The following TRDN variants were observed in gnomAD, a reference collection of about 807,000 sequenced individuals.
TRDN encodes triadin in skeletal muscle.
Under a neutral mutation model 149.7 loss-of-function variants are expected in TRDN, and 161 were observed. That is an observed-to-expected ratio of 1.08 (90% CI 0.95 to 1.23). TRDN has a LOEUF of 1.23. Among genes scored for constraint, TRDN ranks in the 50% most tolerant of loss-of-function variants. The pLI, the probability that TRDN is intolerant of heterozygous loss-of-function variation, is 0.00. For missense variants in TRDN, 896 were observed against 823.5 expected (o/e 1.09, Z -1.08); for synonymous variants, 294 against 250.5 (o/e 1.17, Z -1.64).
intron 1 of TRDN, among the ~76,000 whole-genome samples, chr6:123,571,616 G>C (rs1025084853): frequency 6.6e-6 from 1 of 151,918 alleles, no homozygotes; most frequent in African/African-American, 2.4e-5. Context: ...ACATGTTCAT[G>C]AGAGAAAATT....
Position 123,275,177 on chromosome 6 carries a change from C to T in TRDN, c.1568-507G>A, listed in dbSNP as rs190649118. 3.9e-5 allele frequency among the ~76,000 whole-genome samples: 6 copies of T among 152,090 alleles called. No individual in the cohort carries two copies. The East Asian group carries it at 1.2e-3, about 30-fold the overall frequency. On this transcript the variant is annotated intron_variant, in intron 26 of 40. Coordinates refer to ENST00000334268, the MANE Select transcript of TRDN (RefSeq NM_006073.4). ...GTTCTCCCAAACAATCTGTTGAGTCCTAACCCCCAGTACCTAAGAATGTAA... is the reference window on the plus strand; with the variant it reads ...GTTCTCCCAAACAATCTGTTGAGTCTTAACCCCCAGTACCTAAGAATGTAA...
intron 38 of TRDN, among the ~76,000 whole-genome samples, chr6:123,247,131 C>T (rs1347389642): frequency 1.3e-5 from 2 of 152,244 alleles, no homozygotes; most frequent in Admixed American, 6.5e-5. Context: ...TTATGACAAA[C>T]CCACAGTCAA....
chr6:123,285,923 A>T (rs558478888), intron 24 of TRDN, among the ~76,000 whole-genome samples: 1 of 152,284 alleles, frequency 6.6e-6, no homozygotes, highest in South Asian at 2.1e-4. Context: ...ATGTGAAAAA[A>T]TGTTCAACAT....
At chr6:123,537,050 A>G (rs1408111148) in intron 4 of TRDN, among the ~76,000 whole-genome samples, 1 of 152,146 alleles carries the variant, frequency 6.6e-6, no homozygotes, top group Non-Finnish European at 1.5e-5. Context: ...CTTTATTTCA[A>G]AATTTATAGA....
At chr6:123,284,692 G>A (rs921930818) in intron 24 of TRDN, among the ~76,000 whole-genome samples, 1 of 152,074 alleles carries the variant, frequency 6.6e-6, no homozygotes, top group South Asian at 2.1e-4. Context: ...GAGAAATAAA[G>A]GGCATTCAAA....
intron 24 of TRDN, among the ~76,000 whole-genome samples, chr6:123,297,703 T>C (rs1440854872): frequency 2.0e-5 from 3 of 151,978 alleles, no homozygotes; most frequent in Non-Finnish European, 4.4e-5. Context: ...TATACTTCCT[T>C]CAAAGGCCAT....
intron 9 of TRDN, among the ~76,000 whole-genome samples, chr6:123,476,640 C>G (rs2114755697): frequency 6.7e-6 from 1 of 148,214 alleles, no homozygotes; most frequent in South Asian, 2.3e-4. Flanking sequence ...GGAGGCATCA[C>G]ACTACCTGAC....
Position 123,561,864 on chromosome 6 carries a change from C to A in TRDN, c.232+9059G>T, listed in dbSNP as rs149727164. ...CATCGCTCATTATCTTTCCATACCA[C>A]CCCCCAAAAAATTTTCGTCGCCCCA... On this transcript the variant is annotated intron_variant, in intron 2 of 40. Transcript: ENST00000334268. Among the ~76,000 whole-genome samples the A allele has an allele frequency of 1.4e-3, 217 of 152,000 alleles. 1 individual carries two copies. Among genetic ancestry groups the A allele is most frequent in the African/African-American group, 4.8e-3 (198 of 41,444 alleles).
chr6:123,585,757 C>T (rs539748827), intron 1 of TRDN, among the ~76,000 whole-genome samples: 7 of 152,152 alleles, frequency 4.6e-5, no homozygotes, highest in Non-Finnish European at 7.4e-5. Flanking sequence ...TTGTAGCAAG[C>T]TCCTGGGGGA....
chr6:123,471,161 A>G (rs1323913875), intron 9 of TRDN: 1 of 152,236 alleles, frequency 6.6e-6, no homozygotes, highest in Non-Finnish European at 1.5e-5. Context: ...AGTACGTTTT[A>G]AAGTAGACCT....
intron 1 of TRDN, among the ~76,000 whole-genome samples, chr6:123,621,150 C>G (rs777620565): frequency 6.6e-6 from 1 of 152,046 alleles, no homozygotes; most frequent in Non-Finnish European, 1.5e-5. Flanking sequence ...CATTGCTGCC[C>G]ATACAGTCTC....
chr6:123,388,688 T>C lies in TRDN; in HGVS notation c.1106-137A>G, dbSNP rs17737834. On this transcript the variant is annotated intron_variant, in intron 13 of 40. Coordinates refer to ENST00000334268, the MANE Select transcript of TRDN (RefSeq NM_006073.4). ...CTAATCAATTCATCCAAATCTATGATAGGAGTGTAAGCAGAAAATATTACT... is the reference window on the plus strand; with the variant it reads ...CTAATCAATTCATCCAAATCTATGACAGGAGTGTAAGCAGAAAATATTACT... The C allele has an allele frequency of 0.13, 113,797 of 907,300 alleles. 7,939 individuals are homozygous for C. The highest frequency in any genetic ancestry group is 0.21 in the African/African-American group (12,854 of 60,854). The allele number at this position is 907,300 out of a possible 1,614,324, so 56.2% of individuals were successfully genotyped here. A position where few individuals can be genotyped will look rare whatever the true frequency, so the allele number is the denominator to read the frequency against.
At chr6:123,304,976 T>C (rs1012645705) in intron 24 of TRDN, among the ~76,000 whole-genome samples, 1 of 152,212 alleles carries the variant, frequency 6.6e-6, no homozygotes, top group African/African-American at 2.4e-5. Context: ...TTTCTTCTTA[T>C]TTAATTTCTC....
At chr6:123,593,414 T>C (rs543531430) in intron 1 of TRDN, among the ~76,000 whole-genome samples, 1 of 152,300 alleles carries the variant, frequency 6.6e-6, no homozygotes, top group East Asian at 1.9e-4. Flanking sequence ...AAAAAATAAA[T>C]GCTATGTTAG....
intron 9 of TRDN, among the ~76,000 whole-genome samples, chr6:123,484,748 C>T (rs1233440459): frequency 6.6e-6 from 1 of 152,136 alleles, no homozygotes; most frequent in African/African-American, 2.4e-5. Flanking sequence ...CCTCCTCTTT[C>T]GCAAGACTAG....
intron 26 of TRDN, among the ~76,000 whole-genome samples, chr6:123,277,492 G>A (rs1777410919): frequency 6.6e-6 from 1 of 152,166 alleles, no homozygotes; most frequent in Non-Finnish European, 1.5e-5. Context: ...AATTAGTTAA[G>A]ATGTGGTCAT....
At chr6:123,351,841 A>G (rs1780473255) in intron 21 of TRDN, 2 of 980,278 alleles carry the variant, frequency 2.0e-6, no homozygotes, top group South Asian at 9.4e-5. Context: ...TGAGGGAACG[A>G]CAATTAAAAT....
intron 10 of TRDN, among the ~76,000 whole-genome samples, chr6:123,443,507 GC>G (rs997740418): frequency 2.0e-5 from 3 of 152,008 alleles, no homozygotes; most frequent in African/African-American, 7.3e-5. Flanking sequence ...GAAGAGCCAG[GC>G]CTGGCTGGGC....
chr6:123,376,058 G>T (rs909920403), intron 18 of TRDN, among the ~76,000 whole-genome samples: 1 of 152,050 alleles, frequency 6.6e-6, no homozygotes, highest in Non-Finnish European at 1.5e-5. Flanking sequence ...CTGCTAAGTT[G>T]CTGCATTGTA....
Sources: gnomAD v4.1 joint callset for allele counts (sites outside exome capture counted in the v4.1 genomes callset) on GRCh38, gnomAD v4.1.1 for gene constraint, MANE v1.5 for transcripts, NCBI Gene and HGNC (gene_info 2026-07-23, HGNC 2026-07-21) for gene names.